The following EIF3H variants were observed in gnomAD, a reference collection of about 807,000 sequenced individuals.
EIF3H encodes the protein eukaryotic translation initiation factor 3 subunit H.
In EIF3H, 26 loss-of-function variants were observed where a neutral mutation model predicts 44.2. That is an observed-to-expected ratio of 0.59 (90% CI 0.43 to 0.82). The LOEUF (loss-of-function observed/expected upper bound fraction) is 0.82, where lower values mean the gene tolerates loss of function less well. Among genes scored for constraint, EIF3H ranks in the 40% least tolerant of loss-of-function variants. The pLI is 0.00. For missense variants in EIF3H, 359 were observed against 432.8 expected (o/e 0.83, Z 1.51); for synonymous variants, 166 against 151.9 (o/e 1.09, Z -0.68).
rs750735909 is a variant in EIF3H, at chr8:116,643,351, A to C, written c.*1655T>G. On this transcript the variant is annotated 3_prime_UTR_variant, in exon 8 of 8. Transcript: ENST00000521861. ...CATTTTACATACCCTTTGACTCGTA[A>C]GTCTATATCAAAGATTATCCTAAAG... is the stretch of plus-strand genomic sequence containing the variant. The C allele has an allele frequency of 1.3e-5, 2 of 152,238 alleles. No individual in the cohort carries two copies. Among genetic ancestry groups the C allele is most frequent in the Non-Finnish European group, 2.9e-5 (2 of 68,048 alleles). 9.4% of individuals were successfully genotyped at this position (152,238 alleles called of 1,614,324 possible).
intron 2 of EIF3H, among the ~76,000 whole-genome samples, chr8:116,706,903 A>G (rs1055616715): frequency 1.3e-5 from 2 of 152,306 alleles, no homozygotes; most frequent in South Asian, 2.1e-4. Flanking sequence ...GTAGGCTAAT[A>G]TAAGTGTTCT....
intron 1 of EIF3H, among the ~76,000 whole-genome samples, chr8:116,740,674 G>A (rs1815114183): frequency 6.6e-6 from 1 of 151,934 alleles, no homozygotes; most frequent in Non-Finnish European, 1.5e-5. Flanking sequence ...TTGCAAAAAT[G>A]TAATGTTTGA....
intron 1 of EIF3H, among the ~76,000 whole-genome samples, chr8:116,742,909 A>T (rs1469473914): frequency 6.6e-6 from 1 of 152,184 alleles, no homozygotes; most frequent in East Asian, 1.9e-4. Context: ...TTAATAAATT[A>T]AAAGGGTTCC....
At chr8:116,706,616 C>A (rs1423495991) in intron 2 of EIF3H, among the ~76,000 whole-genome samples, 1 of 152,170 alleles carries the variant, frequency 6.6e-6, no homozygotes, top group African/African-American at 2.4e-5. Flanking sequence ...CTCACTGCAA[C>A]CTCCATTTCC....
At chr8:116,652,458 T>C (rs1490937741) in intron 5 of EIF3H, among the ~76,000 whole-genome samples, 1 of 152,196 alleles carries the variant, frequency 6.6e-6, no homozygotes, top group Non-Finnish European at 1.5e-5. Flanking sequence ...GATTAAAAGG[T>C]ATTCTTTTCA....
rs980772723 is a variant in EIF3H at position 116,642,584 on chromosome 8, T to G, written c.*2422A>C. The stretch of plus-strand genomic sequence containing the variant: ...CTTTCTTGGTTTTTTAACATTCGAT[T>G]TTTTCATTAGATTAACATGCTAGCT... On this transcript the variant is annotated 3_prime_UTR_variant, in exon 8 of 8. Coordinates refer to ENST00000521861, the MANE Select transcript of EIF3H (RefSeq NM_003756.3). 4.6e-5 allele frequency: 7 copies of G among 152,212 alleles called. No individual in the cohort carries two copies. 9.4% of individuals were successfully genotyped at this position (152,212 alleles called of 1,614,324 possible).
intron 2 of EIF3H, among the ~76,000 whole-genome samples, chr8:116,663,922 C>G (rs1363747844): frequency 7.6e-6 from 1 of 131,160 alleles, no homozygotes; most frequent in Non-Finnish European, 1.6e-5. Flanking sequence ...CAGAGCGAGA[C>G]TCAGTCTCAA....
chr8:116,649,101 T>C (rs570166711), intron 5 of EIF3H, among the ~76,000 whole-genome samples, 175 bp from the exon 6 acceptor site: 1 of 152,358 alleles, frequency 6.6e-6, no homozygotes, highest in African/African-American at 2.4e-5. Flanking sequence ...TACTAAACTT[T>C]CCATACCGAA....
Position 116,644,030 on chromosome 8 carries a change from G to C in EIF3H, c.*976C>G, listed in dbSNP as rs143353925. 3.4e-4 allele frequency: 52 copies of C among 152,326 alleles called. 1 individual carries two copies. In the East Asian group the frequency reaches 8.9e-3, roughly 26 times the overall value. 9.4% of individuals were successfully genotyped at this position (152,326 alleles called of 1,614,324 possible). A position where few individuals can be genotyped will look rare whatever the true frequency, so the allele number is the denominator to read the frequency against. On this transcript the variant is annotated 3_prime_UTR_variant, in exon 8 of 8. Coordinates refer to ENST00000521861, the MANE Select transcript of EIF3H (RefSeq NM_003756.3). Reference sequence around the variant, plus strand: ...TACTTCATGGTTTCGGAAGACAAATGTGAAGTCCTAAATAATATAAACAAA... The same window carrying C: ...TACTTCATGGTTTCGGAAGACAAATCTGAAGTCCTAAATAATATAAACAAA...
rs59369334 is a variant in EIF3H at position 116,690,674 on chromosome 8, T to G, written c.290-31694A>C. On this transcript the variant is annotated intron_variant, in intron 2 of 7. Transcript: ENST00000521861. ...GTAGACTGCTATAACATTACTTTGA[T>G]CCTAACTGCCACTTCCAGGTGTGAT... is the stretch of plus-strand genomic sequence containing the variant. Among the ~76,000 whole-genome samples, 1,284 of 152,342 alleles carry G rather than the reference T, an allele frequency of 8.4e-3. 21 individuals are homozygous for G. Among genetic ancestry groups the G allele is most frequent in the African/African-American group, 0.03 (1,232 of 41,578 alleles).
At chr8:116,698,495 T>C (rs1814311017) in intron 2 of EIF3H, among the ~76,000 whole-genome samples, 1 of 152,204 alleles carries the variant, frequency 6.6e-6, no homozygotes, top group South Asian at 2.1e-4. Flanking sequence ...CTAAATAATG[T>C]CATGATACTT....
chr8:116,674,866 CAT>C (rs1813819435), intron 2 of EIF3H, among the ~76,000 whole-genome samples: 2 of 152,200 alleles, frequency 1.3e-5, no homozygotes, highest in South Asian at 2.1e-4. Flanking sequence ...ATCCCAATTT[CAT>C]AGAGTTCAGG....
intron 1 of EIF3H, among the ~76,000 whole-genome samples, chr8:116,737,027 C>G (rs1329502624): frequency 6.6e-6 from 1 of 152,058 alleles, no homozygotes; most frequent in Non-Finnish European, 1.5e-5. Context: ...TAATTTGTTC[C>G]TAGAAAAGCC....
intron 2 of EIF3H, among the ~76,000 whole-genome samples, chr8:116,697,900 G>T (rs1355656436): frequency 6.6e-6 from 1 of 152,170 alleles, no homozygotes; most frequent in South Asian, 2.1e-4. Context: ...GACACACAAT[G>T]AACTAATAAT....
chr8:116,756,083 C>T, upstream of EIF3H: 1 of 1,313,786 alleles, frequency 7.6e-7, no homozygotes, highest in South Asian at 1.3e-5. Context: ...GTCATAATAG[C>T]ATTACAGTTC....
intron 2 of EIF3H, among the ~76,000 whole-genome samples, chr8:116,695,514 G>A (rs771126282): frequency 1.3e-5 from 2 of 152,172 alleles, no homozygotes; most frequent in Non-Finnish European, 2.9e-5. Flanking sequence ...AAAGTAGGAG[G>A]CCTGTCCACT....
rs1461241668 is a variant in EIF3H, at chr8:116,648,908, A to C, written c.726T>G (p.Asn242Lys). The C allele has an allele frequency of 1.9e-5, 31 of 1,611,118 alleles. No individual in the cohort carries two copies. Among genetic ancestry groups the C allele is most frequent in the Non-Finnish European group, 2.4e-5 (28 of 1,178,856 alleles). Reference sequence around the variant, plus strand: ...CCACTCTGTCCATCAGCAACTGTAGATTCTTCCCCAAATGATTGCTGAAAT... The same window carrying C: ...CCACTCTGTCCATCAGCAACTGTAGCTTCTTCCCCAAATGATTGCTGAAAT... ...SLASSNHLGK[N>K]LQLLMDRVDE... Residue 242 changes from asparagine (N) to lysine (K), a missense_variant, in exon 6 of 8, where the codon AAT becomes AAG. Asn to Lys is a moderately conservative substitution (Grantham distance 94). Coordinates refer to ENST00000521861, the MANE Select transcript of EIF3H (RefSeq NM_003756.3).
chr8:116,763,452 A>C (rs940440541), intron 1 of EIF3H, among the ~76,000 whole-genome samples: 73 of 152,180 alleles, frequency 4.8e-4, no homozygotes, highest in Admixed American at 4.8e-3. Flanking sequence ...AAATACATAA[A>C]GTTTTTGTTA....
rs1813274959 is a variant in EIF3H, at chr8:116,644,969, A to T, written c.*37T>A. 2 of 1,507,746 alleles carry T rather than the reference A, an allele frequency of 1.3e-6. No individual in the cohort carries two copies. Among genetic ancestry groups the T allele is most frequent in the Non-Finnish European group, 1.8e-6 (2 of 1,085,364 alleles). The allele number at this position is 1,507,746 out of a possible 1,614,324, so 93.4% of individuals were successfully genotyped here. ...AGAGTTGCCCTGGTGTGACTTCAAG[A>T]GTTCATGTTAACTTCTTTTCTGGAA... On this transcript the variant is annotated 3_prime_UTR_variant, in exon 8 of 8. Transcript: ENST00000521861.
Sources: gnomAD v4.1 joint callset for allele counts (sites outside exome capture counted in the v4.1 genomes callset) on GRCh38, gnomAD v4.1.1 for gene constraint, MANE v1.5 for transcripts, NCBI Gene and HGNC (gene_info 2026-07-23, HGNC 2026-07-21) for gene names.